The following LMNB1 variants were observed in gnomAD, a reference collection of about 807,000 sequenced individuals.
LMNB1 encodes the protein lamin B1, also known as lamin-B1.
Under a neutral mutation model 67.1 loss-of-function variants are expected in LMNB1, and 23 were observed. The ratio of observed to expected loss-of-function variants is 0.34; its 90% CI spans 0.25 to 0.49. The LOEUF (loss-of-function observed/expected upper bound fraction) is 0.49, where lower values mean the gene tolerates loss of function less well. Among genes scored for constraint, LMNB1 ranks in the 20% least tolerant of loss-of-function variants. The pLI, the probability that LMNB1 is intolerant of heterozygous loss-of-function variation, is 0.99. For missense variants in LMNB1, 634 were observed against 746.5 expected (o/e 0.85, Z 1.76); for synonymous variants, 281 against 282.9 (o/e 0.99, Z 0.07).
chr5:126,805,566 A>G lies in LMNB1; in HGVS notation c.517-5A>G. The G allele has an allele frequency of 6.3e-7, 1 of 1,585,250 alleles. No homozygotes were observed. The highest frequency in any genetic ancestry group is 8.6e-7 in the Non-Finnish European group (1 of 1,158,998). On this transcript the variant is annotated splice_polypyrimidine_tract_variant and splice_region_variant and intron_variant, in intron 2 of 10. Transcript: ENST00000261366. Reference sequence around the variant, plus strand: ...TTTTATCACAATTCTTTTTCCTTGTAATAGTTGGAAGCCTCCTTAGCTGCA... The same window carrying G: ...TTTTATCACAATTCTTTTTCCTTGTGATAGTTGGAAGCCTCCTTAGCTGCA...
At chr5:126,786,564 G>T (rs1750788048) in intron 1 of LMNB1, among the ~76,000 whole-genome samples, 2 of 152,152 alleles carry the variant, frequency 1.3e-5, no homozygotes, top group Non-Finnish European at 2.9e-5. Flanking sequence ...TTGTGATAGG[G>T]TGTTCACATA....
chr5:126,832,981 A>T (rs1028409475), intron 10 of LMNB1, among the ~76,000 whole-genome samples, 180 bp downstream of exon 10: 11 of 152,340 alleles, frequency 7.2e-5, no homozygotes, highest in Non-Finnish European at 1.2e-4. Context: ...CTGGAAGAAT[A>T]TGTTGGCACT....
intron 1 of LMNB1, among the ~76,000 whole-genome samples, chr5:126,799,020 CTT>C (rs201572633): frequency 3.0e-5 from 4 of 134,938 alleles, no homozygotes; most frequent in East Asian, 2.1e-4. Context: ...GATGCATTGA[CTT>C]TTTTTTTTTT....
chr5:126,824,086 C>T (rs918485568), intron 8 of LMNB1, among the ~76,000 whole-genome samples: 5 of 152,104 alleles, frequency 3.3e-5, no homozygotes, highest in Non-Finnish European at 7.4e-5. Context: ...ACTCAATTAT[C>T]ATATAAAATA....
At chr5:126,830,815 A>G (rs555688104) in intron 9 of LMNB1, among the ~76,000 whole-genome samples, 30 of 152,344 alleles carry the variant, frequency 2.0e-4, no homozygotes, top group African/African-American at 6.5e-4. Context: ...GGGTACTCTC[A>G]AAGTTTTTTA....
intron 1 of LMNB1, among the ~76,000 whole-genome samples, chr5:126,790,450 A>G (rs1194466382): frequency 6.6e-6 from 1 of 152,108 alleles, no homozygotes; most frequent in Non-Finnish European, 1.5e-5. Context: ...AGTTGTCAGA[A>G]GCAACATATG....
intron 7 of LMNB1, among the ~76,000 whole-genome samples, 164 bp downstream of exon 7, chr5:126,821,299 T>C (rs1423551141): frequency 6.6e-6 from 1 of 152,168 alleles, no homozygotes; most frequent in Non-Finnish European, 1.5e-5. Context: ...AAAATTAAAA[T>C]AGGAGGAGGA....
chr5:126,824,815 A>G (rs1290036743), intron 8 of LMNB1, among the ~76,000 whole-genome samples: 1 of 151,966 alleles, frequency 6.6e-6, no homozygotes, highest in Non-Finnish European at 1.5e-5. Flanking sequence ...TCAGTAATTC[A>G]TAGATTTTTT....
rs2126733397 is a variant in LMNB1 at position 126,825,288 on chromosome 5, G to T, written c.1492-700G>T. On this transcript the variant is annotated intron_variant, in intron 8 of 10. Coordinates refer to ENST00000261366, the MANE Select transcript of LMNB1 (RefSeq NM_005573.4). ...AAAGAATTTCATGCTCATGAGAAGG[G>T]AAATATAATTATTTCTTTGACCTAT... is the stretch of plus-strand genomic sequence containing the variant. 2.6e-5 allele frequency among the ~76,000 whole-genome samples: 4 copies of T among 152,244 alleles called. No individual in the cohort carries two copies. The East Asian group carries it at 7.7e-4, about 29-fold the overall frequency.
intron 3 of LMNB1, 35 bp from the exon 4 acceptor site, chr5:126,810,145 G>A (rs754368145): frequency 4.4e-6 from 7 of 1,585,724 alleles, no homozygotes; most frequent in Non-Finnish European, 5.2e-6. Context: ...GCCATGGTAA[G>A]TAGCTTGGCT....
At chr5:126,784,801 A>G (rs903905004) in intron 1 of LMNB1, among the ~76,000 whole-genome samples, 3 of 150,396 alleles carry the variant, frequency 2.0e-5, no homozygotes, top group Non-Finnish European at 4.4e-5. Flanking sequence ...CTGGAACTAC[A>G]GGCGCCCTCC....
intron 1 of LMNB1, among the ~76,000 whole-genome samples, chr5:126,791,490 T>C (rs1750956636): frequency 6.6e-6 from 1 of 152,062 alleles, no homozygotes; most frequent in African/African-American, 2.4e-5. Context: ...GATAGGGTCT[T>C]ACCCTTGCCC....
intron 1 of LMNB1, among the ~76,000 whole-genome samples, chr5:126,791,114 G>A (rs555329553): frequency 2.6e-5 from 4 of 152,262 alleles, no homozygotes; most frequent in African/African-American, 9.6e-5. Flanking sequence ...CAGAAGTAAT[G>A]ATGAGTGAAA....
intron 8 of LMNB1, among the ~76,000 whole-genome samples, chr5:126,824,817 AGAT>A (rs1751954762): frequency 6.6e-6 from 1 of 151,920 alleles, no homozygotes; most frequent in Non-Finnish European, 1.5e-5. Flanking sequence ...AGTAATTCAT[AGAT>A]TTTTTTTTTC....
chr5:126,778,857 GTT>G (rs1750552566), intron 1 of LMNB1, among the ~76,000 whole-genome samples: 1 of 152,178 alleles, frequency 6.6e-6, no homozygotes, highest in Non-Finnish European at 1.5e-5. Context: ...GCGAAGGAGA[GTT>G]TGTAATTCAC....
intron 5 of LMNB1, among the ~76,000 whole-genome samples, chr5:126,817,945 G>A (rs185554696): frequency 1.7e-4 from 26 of 152,284 alleles, no homozygotes; most frequent in Admixed American, 7.9e-4. Flanking sequence ...TACCCAGCGA[G>A]CCACAAGGTT....
chr5:126,791,128 T>A (rs1321137250), intron 1 of LMNB1, among the ~76,000 whole-genome samples: 1 of 152,168 alleles, frequency 6.6e-6, no homozygotes, highest in East Asian at 1.9e-4. Flanking sequence ...AGTGAAAAAT[T>A]TAAAAGCTTG....
At chr5:126,814,731 G>A (rs957482400) in intron 5 of LMNB1, among the ~76,000 whole-genome samples, 1 of 152,104 alleles carries the variant, frequency 6.6e-6, no homozygotes, top group Non-Finnish European at 1.5e-5. Context: ...GTAGAAATGG[G>A]GTGCACCATG....
rs748544344 is a variant in LMNB1, at chr5:126,809,740, T to A, written c.643-440T>A. Among the ~76,000 whole-genome samples, 29 of 152,182 alleles carry A rather than the reference T, an allele frequency of 1.9e-4. 1 individual carries two copies. The highest frequency in any genetic ancestry group is 4.0e-4 in the Non-Finnish European group (27 of 68,018). On this transcript the variant is annotated intron_variant, in intron 3 of 10. Transcript: ENST00000261366. ...GTTTCATTTCACATAAATCTTTACATGAATTTATCACAACTGTTAAGTTTA... is the reference window on the plus strand; with the variant it reads ...GTTTCATTTCACATAAATCTTTACAAGAATTTATCACAACTGTTAAGTTTA...
Sources: gnomAD v4.1 joint callset for allele counts (sites outside exome capture counted in the v4.1 genomes callset) on GRCh38, gnomAD v4.1.1 for gene constraint, MANE v1.5 for transcripts, NCBI Gene and HGNC (gene_info 2026-07-23, HGNC 2026-07-21) for gene names.